STPG2: variants seen among roughly 807,000 people sequenced by gnomAD.
STPG2 encodes the protein sperm-tail PG-rich repeat-containing protein 2.
Under a neutral mutation model 54.2 loss-of-function variants are expected in STPG2, and 56 were observed. The observed-to-expected ratio is 1.03, with a 90% CI of 0.83 to 1.29. The LOEUF is 1.29. Among genes scored for constraint, STPG2 ranks in the 50% most tolerant of loss-of-function variants. The probability of loss-of-function intolerance (pLI) is 0.00; values close to 1 mark genes in which losing one functional copy is unlikely to be tolerated. For synonymous variants in STPG2, 200 were observed against 181.8 expected, an observed-to-expected ratio of 1.10 and a Z score of -0.81; for missense variants, 596 against 544.9, an observed-to-expected ratio of 1.09 and a Z score of -0.93.
intron 10 of STPG2, among the ~76,000 whole-genome samples, chr4:97,642,089 T>TTGC (rs1303744557): frequency 1.8e-4 from 27 of 151,524 alleles, no homozygotes; most frequent in African/African-American, 5.8e-4. Context: ...TGAAAGTGAC[T>TTGC]TGCTTGTGAC....
At chr4:97,799,697 T>TGG (rs1276551133) in intron 9 of STPG2, among the ~76,000 whole-genome samples, 7 of 152,274 alleles carry the variant, frequency 4.6e-5, no homozygotes, top group East Asian at 3.9e-4. Context: ...CTTTGTGGCA[T>TGG]TCTCTGTATT....
chr4:97,596,805 C>T (rs1733306007), intron 10 of STPG2, among the ~76,000 whole-genome samples: 1 of 151,698 alleles, frequency 6.6e-6, no homozygotes, highest in African/African-American at 2.4e-5. Context: ...CTGCCCTCAC[C>T]AAAAAGTGAG....
At chr4:97,743,444 T>G (rs113497061) in intron 9 of STPG2, among the ~76,000 whole-genome samples, 1 of 151,916 alleles carries the variant, frequency 6.6e-6, no homozygotes, top group African/African-American at 2.4e-5. Context: ...ATCTGAATTT[T>G]AAGTCATTTT....
chr4:97,830,341 AC>A (rs1465989468), intron 9 of STPG2, among the ~76,000 whole-genome samples: 3 of 152,214 alleles, frequency 2.0e-5, no homozygotes, highest in Non-Finnish European at 4.4e-5. Flanking sequence ...TTTTGTTACC[AC>A]CAAGCCTGCC....
intron 4 of STPG2, among the ~76,000 whole-genome samples, chr4:97,463,865 A>G (rs938753604): frequency 1.3e-5 from 2 of 152,156 alleles, no homozygotes; most frequent in African/African-American, 4.8e-5. Context: ...CATTCATCGA[A>G]TGTTCTTTTT....
intron 9 of STPG2, among the ~76,000 whole-genome samples, chr4:97,758,437 C>T (rs1456243199): frequency 1.3e-5 from 2 of 152,100 alleles, no homozygotes; most frequent in East Asian, 3.9e-4. Context: ...GAATGCTATG[C>T]AGTCATAAAA....
chr4:97,780,620 G>T (rs1015860910), intron 9 of STPG2, among the ~76,000 whole-genome samples: 1 of 132,596 alleles, frequency 7.5e-6, no homozygotes, highest in Non-Finnish European at 1.6e-5. Flanking sequence ...CAAATCAACA[G>T]AATATACATT....
chr4:98,065,680 C>G (rs1307388290), intron 5 of STPG2, among the ~76,000 whole-genome samples: 3 of 152,158 alleles, frequency 2.0e-5, no homozygotes, highest in Non-Finnish European at 4.4e-5. Context: ...CAACAACCAC[C>G]TTGCCACCAT....
intron 8 of STPG2, among the ~76,000 whole-genome samples, chr4:97,919,060 A>G (rs1731996241): frequency 6.6e-6 from 1 of 152,186 alleles, no homozygotes; most frequent in Non-Finnish European, 1.5e-5. Context: ...AATAACAAAT[A>G]ATGAAAAATA....
At chr4:97,791,485 A>C (rs17026997) in intron 9 of STPG2, among the ~76,000 whole-genome samples, 19,461 of 152,106 alleles carry the variant, frequency 0.13, 1,914 homozygotes, top group African/African-American at 0.26. Context: ...TAAAGTTGTC[A>C]AAGTCAGAAA....
chr4:98,046,432 A>C (rs951055373), intron 5 of STPG2, among the ~76,000 whole-genome samples: 1 of 151,936 alleles, frequency 6.6e-6, no homozygotes, highest in East Asian at 1.9e-4. Flanking sequence ...TTAGACTATA[A>C]CTCTCCCAGT....
chr4:97,719,188 T>C (rs1042894107), intron 9 of STPG2, among the ~76,000 whole-genome samples: 1 of 151,944 alleles, frequency 6.6e-6, no homozygotes, highest in Non-Finnish European at 1.5e-5. Flanking sequence ...AATGTCTACT[T>C]TCAAATAATT....
chr4:97,889,536 C>T (rs1373107466), intron 8 of STPG2, among the ~76,000 whole-genome samples: 1 of 152,096 alleles, frequency 6.6e-6, no homozygotes, highest in Non-Finnish European at 1.5e-5. Flanking sequence ...ATCTCAAAGA[C>T]ATTATGTTAC....
At chr4:98,049,258 T>C (rs1737237204) in intron 5 of STPG2, among the ~76,000 whole-genome samples, 1 of 152,212 alleles carries the variant, frequency 6.6e-6, no homozygotes, top group South Asian at 2.1e-4. Context: ...TAGAATAAAA[T>C]GTAGCTGGGT....
At chr4:97,764,464 G>A (rs1165631846) in intron 9 of STPG2, among the ~76,000 whole-genome samples, 2 of 152,098 alleles carry the variant, frequency 1.3e-5, no homozygotes, top group African/African-American at 4.8e-5. Flanking sequence ...AGGAAATGCA[G>A]CATAAAAATT....
At chr4:98,003,209 C>G (rs566260564) in intron 5 of STPG2, among the ~76,000 whole-genome samples, 2 of 152,102 alleles carry the variant, frequency 1.3e-5, no homozygotes, top group East Asian at 1.9e-4. Context: ...TGTCAGCACT[C>G]TAACAGATGA....
At chr4:98,059,326 T>C (rs1737573550) in intron 5 of STPG2, among the ~76,000 whole-genome samples, 1 of 151,956 alleles carries the variant, frequency 6.6e-6, no homozygotes, top group African/African-American at 2.4e-5. Context: ...AATTGGAGTT[T>C]TCTTCTCCAA....
chr4:97,933,687 T>C (rs1732636321), intron 8 of STPG2, among the ~76,000 whole-genome samples: 1 of 152,136 alleles, frequency 6.6e-6, no homozygotes, highest in African/African-American at 2.4e-5. Context: ...TATGTGGTAT[T>C]ATTCTGAGAT....
chr4:97,972,386 A>G lies in STPG2; in HGVS notation c.827T>C (p.Ile276Thr), dbSNP rs762257000. ...NNTIIASVRN[I>T]CSKKQKKSAF... ...ACTTTTCTTCTGTTTCTTTGAGCAG[A>G]TATTTCTAACACTGGCAATTATAGT... Residue 276 changes from isoleucine (I) to threonine (T), a missense_variant, in exon 7 of 11, where the codon ATC becomes ACC. Ile to Thr is a moderately conservative substitution (Grantham distance 89, BLOSUM62 -1). Coordinates refer to ENST00000295268, the MANE Select transcript of STPG2 (RefSeq NM_174952.3). 3.7e-6 allele frequency: 6 copies of G among 1,607,780 alleles called. No homozygotes were observed. The highest frequency in any genetic ancestry group is 5.1e-6 in the Non-Finnish European group (6 of 1,175,890).
Sources: allele counts gnomAD v4.1 joint callset (sites outside exome capture counted in the v4.1 genomes callset), GRCh38; gene constraint gnomAD v4.1.1; transcripts MANE v1.5; gene names NCBI Gene and HGNC (gene_info 2026-07-23, HGNC 2026-07-21).